Variants in CTNNBL1 observed in about 807,000 individuals in gnomAD.
CTNNBL1 encodes the protein catenin beta like 1, also known as beta-catenin-like protein 1.
In CTNNBL1, 31 loss-of-function variants were observed where a neutral mutation model predicts 72.7. The ratio of observed to expected loss-of-function variants is 0.43; its 90% CI spans 0.32 to 0.58. The LOEUF (loss-of-function observed/expected upper bound fraction) is 0.58. CTNNBL1 is among the 20% of genes least tolerant of loss of function. CTNNBL1 has a pLI of 0.08. For synonymous variants in CTNNBL1, 240 were observed against 267.3 expected (o/e 0.90, Z 1.00); for missense variants, 534 against 725.1 (o/e 0.74, Z 3.03).
At chr20:37,707,896 A>G (rs1421027379) in intron 1 of CTNNBL1, among the ~76,000 whole-genome samples, 1 of 151,744 alleles carries the variant, frequency 6.6e-6, no homozygotes, top group Admixed American at 6.6e-5. Flanking sequence ...TAATTGCAGT[A>G]TTGTTGTGTC....
At chr20:37,802,792 C>A (rs1320703764) in intron 10 of CTNNBL1, 75 bp from the exon 11 acceptor site, 8 of 1,238,174 alleles carry the variant, frequency 6.5e-6, no homozygotes, top group Non-Finnish European at 9.2e-6. Flanking sequence ...TGTACGGCAG[C>A]AAATACCCTT....
Position 37,746,519 on chromosome 20 carries a change from G to C in CTNNBL1, c.378G>C (p.Val126=). ...DLNDIIQEMH[V]VATMPDLYHL... ...ATGACATCATTCAGGAGATGCACGT[G>C]GTGGCCACCATGCCAGACCTGTACC... Residue 126 remains valine, a synonymous_variant, in exon 4 of 16, where the codon GTG becomes GTC. Coordinates refer to ENST00000361383, the MANE Select transcript of CTNNBL1 (RefSeq NM_030877.5). 1 of 1,614,132 alleles carries C rather than the reference G, an allele frequency of 6.2e-7. No individual in the cohort carries two copies. Among genetic ancestry groups the C allele is most frequent in the South Asian group, 1.1e-5 (1 of 91,086 alleles).
At position 37,832,608 on chromosome 20, in the gene CTNNBL1, A is replaced by C. The variant is rs954366665; in HGVS notation, c.1214-7494A>C. Among the ~76,000 whole-genome samples the C allele has an allele frequency of 4.6e-5, 7 of 152,256 alleles. No individual in the cohort carries two copies. In the South Asian group the frequency reaches 1.5e-3, roughly 32 times the overall value. ...CTAAATCCCCACATAAGGTTAATTA[A>C]TTCACTTGTTGGCATGTCTGGAGCA... On this transcript the variant is annotated intron_variant, in intron 11 of 15. Transcript: ENST00000361383.
At chr20:37,707,553 C>T (rs2072897651) in intron 1 of CTNNBL1, among the ~76,000 whole-genome samples, 1 of 152,226 alleles carries the variant, frequency 6.6e-6, no homozygotes, top group African/African-American at 2.4e-5. Context: ...TAGGGCCTTG[C>T]TCTGGATTAG....
chr20:37,819,709 C>T (rs1208646555), intron 11 of CTNNBL1, among the ~76,000 whole-genome samples: 2 of 152,062 alleles, frequency 1.3e-5, no homozygotes, highest in Non-Finnish European at 2.9e-5. Flanking sequence ...GGCTTCCCTC[C>T]TACACCAGCC....
intron 13 of CTNNBL1, among the ~76,000 whole-genome samples, chr20:37,856,576 A>G (rs1319079749): frequency 6.6e-6 from 1 of 150,670 alleles, no homozygotes; most frequent in Non-Finnish European, 1.5e-5. Flanking sequence ...AGGGGGAGTG[A>G]GCAGAGAGTA....
Position 37,829,051 on chromosome 20 carries a change from T to C in CTNNBL1, c.1214-11051T>C, listed in dbSNP as rs6021204. 5.8e-3 allele frequency among the ~76,000 whole-genome samples: 884 copies of C among 152,306 alleles called. 9 individuals carry two copies. The highest frequency in any genetic ancestry group is 0.02 in the African/African-American group (848 of 41,554). On this transcript the variant is annotated intron_variant, in intron 11 of 15. Coordinates refer to ENST00000361383, the MANE Select transcript of CTNNBL1 (RefSeq NM_030877.5). ...GTCAAGATCGATCTAGTTAGGGTAT[T>C]TTAAACATCCTGTTTGCATCTAGAG...
chr20:37,806,043 C>T (rs1276295667), intron 11 of CTNNBL1, among the ~76,000 whole-genome samples: 1 of 152,236 alleles, frequency 6.6e-6, no homozygotes, highest in Non-Finnish European at 1.5e-5. Context: ...GTCAGTCATA[C>T]ACCTAGAGTG....
At chr20:37,761,091 C>G (rs182826398) in intron 5 of CTNNBL1, among the ~76,000 whole-genome samples, 1 of 151,918 alleles carries the variant, frequency 6.6e-6, no homozygotes, top group African/African-American at 2.4e-5. Flanking sequence ...AGAGAGTGCT[C>G]GCTTCTGATG....
At chr20:37,809,610 T>C (rs1446759919) in intron 11 of CTNNBL1, among the ~76,000 whole-genome samples, 1 of 152,220 alleles carries the variant, frequency 6.6e-6, no homozygotes, top group Non-Finnish European at 1.5e-5. Flanking sequence ...ATTGCCATTG[T>C]TATTTGTTGT....
intron 13 of CTNNBL1, among the ~76,000 whole-genome samples, chr20:37,856,276 T>G (rs1424576907): frequency 6.6e-6 from 1 of 150,954 alleles, no homozygotes; most frequent in East Asian, 1.9e-4. Context: ...ATGAGCACAG[T>G]ACAGCTCTTC....
At chr20:37,708,528 A>G (rs553351415) in intron 1 of CTNNBL1, among the ~76,000 whole-genome samples, 1 of 152,170 alleles carries the variant, frequency 6.6e-6, no homozygotes, top group East Asian at 1.9e-4. Flanking sequence ...AAAGCACAGT[A>G]TCTGCAAAGG....
intron 15 of CTNNBL1, 144 bp downstream of exon 15, chr20:37,860,488 A>G (rs1343056951): frequency 1.4e-6 from 1 of 690,034 alleles, no homozygotes; most frequent in Non-Finnish European, 2.5e-6. Flanking sequence ...CTGTGTGTCC[A>G]GGTCGTCTTT....
chr20:37,718,555 A>C (rs1600441890), intron 1 of CTNNBL1, among the ~76,000 whole-genome samples: 1 of 126,722 alleles, frequency 7.9e-6, no homozygotes. Flanking sequence ...GGCGCCCCTC[A>C]CCTCCCCGAC....
intron 11 of CTNNBL1, among the ~76,000 whole-genome samples, chr20:37,825,999 C>T (rs1247187561): frequency 2.0e-5 from 3 of 152,182 alleles, no homozygotes; most frequent in African/African-American, 7.2e-5. Context: ...ACATCGCAAG[C>T]ACTGAAGGCT....
At chr20:37,694,227 C>T in intron 1 of CTNNBL1, 75 bp downstream of exon 1, 1 of 1,309,922 alleles carries the variant, frequency 7.6e-7, no homozygotes, top group Non-Finnish European at 1.0e-6. Flanking sequence ...GCCCTTTCAT[C>T]TCACCTCCTC....
rs1269874747 is a variant in CTNNBL1, at chr20:37,712,899, C to T, written c.30+18747C>T. On this transcript the variant is annotated intron_variant, in intron 1 of 15. Transcript: ENST00000361383. ...GGCACCACCCTAATTTTCAGTGCATCTCTTAGTGCTGATGACAGGACTTTT... is the reference window on the plus strand; with the variant it reads ...GGCACCACCCTAATTTTCAGTGCATTTCTTAGTGCTGATGACAGGACTTTT... Among the ~76,000 whole-genome samples the T allele has an allele frequency of 2.6e-5, 4 of 152,238 alleles. No homozygotes were observed. In the East Asian group the frequency reaches 5.8e-4, roughly 22 times the overall value.
chr20:37,812,444 T>G (rs2072020754), intron 11 of CTNNBL1, among the ~76,000 whole-genome samples: 2 of 152,212 alleles, frequency 1.3e-5, no homozygotes, highest in African/African-American at 4.8e-5. Context: ...GGACAGCCAC[T>G]GTTTTTCATG....
In CTNNBL1 at chr20:37,871,212, C is replaced by T. The variant is rs142646382; in HGVS notation, c.1604-713C>T. Among the ~76,000 whole-genome samples, 93 of 152,310 alleles carry T rather than the reference C, an allele frequency of 6.1e-4. No individual in the cohort carries two copies. In the East Asian group the frequency reaches 0.016, roughly 27 times the overall value. On this transcript the variant is annotated intron_variant, in intron 15 of 15. Transcript: ENST00000361383. ...TTTGTGTTTCTAGTAAGTTTCCATG[C>T]AGTGCTGCTGCTGCTGCTGCTGCTC...
Sources: gnomAD v4.1 joint callset for allele counts (sites outside exome capture counted in the v4.1 genomes callset) on GRCh38, gnomAD v4.1.1 for gene constraint, MANE v1.5 for transcripts, NCBI Gene and HGNC (gene_info 2026-07-23, HGNC 2026-07-21) for gene names.